The following HECW1 variants were observed in gnomAD, a reference collection of about 807,000 sequenced individuals.
The protein encoded by HECW1 is E3 ubiquitin-protein ligase HECW1.
Under a neutral mutation model 182.3 loss-of-function variants are expected in HECW1, and 61 were observed. The ratio of observed to expected loss-of-function variants is 0.33; its 90% CI spans 0.27 to 0.41. The LOEUF (loss-of-function observed/expected upper bound fraction) is 0.41, where lower values mean the gene tolerates loss of function less well. Ranked by LOEUF, HECW1 falls within the 10% of genes least tolerant of loss-of-function variation. The pLI, the probability that HECW1 is intolerant of heterozygous loss-of-function variation, is 1.00. For synonymous variants in HECW1, 859 were observed against 832.6 expected (o/e 1.03, Z -0.55); for missense variants, 1,739 against 2,108.9 (o/e 0.82, Z 3.44).
intron 2 of HECW1, among the ~76,000 whole-genome samples, chr7:43,206,157 A>G (rs1186074207): frequency 6.6e-6 from 1 of 152,168 alleles, no homozygotes. Context: ...CACATGAACT[A>G]ATACTTTTAG....
intron 3 of HECW1, among the ~76,000 whole-genome samples, chr7:43,307,377 G>A (rs1441355154): frequency 1.3e-5 from 2 of 152,304 alleles, no homozygotes; most frequent in Admixed American, 6.5e-5. Flanking sequence ...TGGAGAAAAG[G>A]CTGGGAGAAA....
chr7:43,420,102 A>G (rs546785275), intron 8 of HECW1, among the ~76,000 whole-genome samples: 2 of 152,392 alleles, frequency 1.3e-5, no homozygotes, highest in South Asian at 4.1e-4. Flanking sequence ...CAATATAAGC[A>G]TGCCAGGGCA....
intron 3 of HECW1, among the ~76,000 whole-genome samples, chr7:43,301,932 T>C (rs1023221859): frequency 2.0e-5 from 3 of 146,920 alleles, no homozygotes; most frequent in Admixed American, 2.0e-4. Context: ...TACTTAAAAA[T>C]AAACCCAAAG....
intron 27 of HECW1, 83 bp from the exon 28 acceptor site, chr7:43,552,139 A>G (rs2081855345): frequency 6.1e-6 from 5 of 821,956 alleles, no homozygotes; most frequent in South Asian, 5.6e-5. Flanking sequence ...TCAATTTCCC[A>G]GTTTAACCCA....
chr7:43,545,414 C>T (rs764991065), intron 26 of HECW1, among the ~76,000 whole-genome samples: 18 of 152,122 alleles, frequency 1.2e-4, no homozygotes, highest in Non-Finnish European at 1.9e-4. Flanking sequence ...AGAAAAAAAG[C>T]TTAAATGTTC....
chr7:43,206,953 C>T (rs1456417084), intron 2 of HECW1, among the ~76,000 whole-genome samples: 1 of 152,214 alleles, frequency 6.6e-6, no homozygotes, highest in Non-Finnish European at 1.5e-5. Context: ...TGTATTTTCA[C>T]TTGGCATTTT....
chr7:43,490,197 C>T (rs2078876600), intron 17 of HECW1, among the ~76,000 whole-genome samples: 1 of 152,162 alleles, frequency 6.6e-6, no homozygotes, highest in Non-Finnish European at 1.5e-5. Context: ...ATCACAACAG[C>T]CAAGCTTCAG....
chr7:43,348,470 G>A (rs1213951585), intron 5 of HECW1, among the ~76,000 whole-genome samples: 1 of 151,426 alleles, frequency 6.6e-6, no homozygotes, highest in Non-Finnish European at 1.5e-5. Context: ...ACCAGCTTTT[G>A]TTTTCATTTA....
intron 24 of HECW1, among the ~76,000 whole-genome samples, chr7:43,512,992 C>T (rs966750280): frequency 4.6e-5 from 7 of 152,120 alleles, no homozygotes; most frequent in African/African-American, 1.7e-4. Flanking sequence ...TGAGTTCCCT[C>T]TAAAAAATAA....
intron 2 of HECW1, among the ~76,000 whole-genome samples, chr7:43,123,242 A>C (rs576260262): frequency 6.6e-6 from 1 of 152,194 alleles, no homozygotes; most frequent in Non-Finnish European, 1.5e-5. Context: ...TCAATTTTAC[A>C]ATATTGCTTC....
At chr7:43,333,984 C>T (rs374143423) in intron 5 of HECW1, among the ~76,000 whole-genome samples, 1 of 152,280 alleles carries the variant, frequency 6.6e-6, no homozygotes, top group East Asian at 1.9e-4. Flanking sequence ...GACCAGGAAA[C>T]GGATGTTAGA....
In HECW1 at chr7:43,562,670, A is replaced by G. The variant is rs2082240192; in HGVS notation, c.*744A>G. On this transcript the variant is annotated 3_prime_UTR_variant, in exon 30 of 30. Transcript: ENST00000395891. ...AACTCAAGAGAAGTTTAGGAGGGGGAGCATCCCTAGTGAATACTCACACCA... is the reference window on the plus strand; with the variant it reads ...AACTCAAGAGAAGTTTAGGAGGGGGGGCATCCCTAGTGAATACTCACACCA... 4.4e-6 allele frequency: 1 copy of G among 224,958 alleles called. No homozygotes were observed. The highest frequency in any genetic ancestry group is 8.9e-6 in the Non-Finnish European group (1 of 112,456). The allele number at this position is 224,958 out of a possible 1,614,324, so 13.9% of individuals were successfully genotyped here. A position where few individuals can be genotyped will look rare whatever the true frequency, so the allele number is the denominator to read the frequency against.
Position 43,159,105 on chromosome 7 carries a change from GTTTATTTA to G in HECW1, c.-32+44738_-32+44745del, listed in dbSNP as rs141662347. Among the ~76,000 whole-genome samples the G allele has an allele frequency of 4.7e-3, 709 of 150,774 alleles. 7 individuals carry two copies. The highest frequency in any genetic ancestry group is 0.016 in the African/African-American group (647 of 40,658). On this transcript the variant is annotated intron_variant, in intron 2 of 29. Transcript: ENST00000395891. ...TTCACGCCATTGCATGAATCTGACA[GTTTATTTA>G]TTTATTTATTTATTTATTTATTTTA...
intron 6 of HECW1, 109 bp downstream of exon 6, chr7:43,361,089 TAC>T: frequency 9.6e-6 from 6 of 627,216 alleles, no homozygotes; most frequent in Non-Finnish European, 1.1e-5. Context: ...TGTGTGTGTG[TAC>T]GTGTACATAC....
intron 17 of HECW1, among the ~76,000 whole-genome samples, chr7:43,480,582 G>T (rs1372514399): frequency 6.6e-6 from 1 of 151,924 alleles, no homozygotes; most frequent in Admixed American, 6.6e-5. Context: ...AGGAAGGAAA[G>T]GAATATATGT....
chr7:43,534,055 C>T (rs1585219100), intron 24 of HECW1, among the ~76,000 whole-genome samples: 1 of 152,172 alleles, frequency 6.6e-6, no homozygotes, highest in South Asian at 2.1e-4. Context: ...CAGAAATGCC[C>T]TACAGAGCCT....
intron 2 of HECW1, among the ~76,000 whole-genome samples, chr7:43,203,620 G>A (rs529521213): frequency 6.6e-6 from 1 of 152,152 alleles, no homozygotes; most frequent in South Asian, 2.1e-4. Context: ...ACCATACCCG[G>A]CTAATTTTTG....
chr7:43,235,032 T>C (rs1324768734), intron 2 of HECW1, among the ~76,000 whole-genome samples: 1 of 152,202 alleles, frequency 6.6e-6, no homozygotes, highest in Non-Finnish European at 1.5e-5. Context: ...GCCAATCCCC[T>C]GCCAGACCCG....
At chr7:43,350,320 A>G (rs2152805689) in intron 5 of HECW1, among the ~76,000 whole-genome samples, 1 of 152,278 alleles carries the variant, frequency 6.6e-6, no homozygotes, top group South Asian at 2.1e-4. Flanking sequence ...TTAACTTTAG[A>G]TAACCTGATG....
Sources: gnomAD v4.1 joint callset for allele counts (sites outside exome capture counted in the v4.1 genomes callset) on GRCh38, gnomAD v4.1.1 for gene constraint, MANE v1.5 for transcripts, NCBI Gene and HGNC (gene_info 2026-07-23, HGNC 2026-07-21) for gene names.